The following RBFOX1 variants were observed in gnomAD, a reference collection of about 807,000 sequenced individuals.
The protein encoded by RBFOX1 is RNA binding protein fox-1 homolog 1.
Under a neutral mutation model 57.7 loss-of-function variants are expected in RBFOX1, and 8 were observed. The ratio of observed to expected loss-of-function variants is 0.14; its 90% confidence interval spans 0.08 to 0.25. The LOEUF is 0.25. Ranked by LOEUF, RBFOX1 falls within the 10% of genes least tolerant of loss-of-function variation. The pLI, the probability that RBFOX1 is intolerant of heterozygous loss-of-function variation, is 1.00. For synonymous variants in RBFOX1, 326 were observed against 222.4 expected (o/e 1.47, Z -4.15); for missense variants, 611 against 548.5 (o/e 1.11, Z -1.14).
intron 4 of RBFOX1, among the ~76,000 whole-genome samples, chr16:7,066,484 C>A (rs1303507850): frequency 1.3e-5 from 2 of 152,176 alleles, no homozygotes; most frequent in African/African-American, 4.8e-5. Context: ...GTGGAAAATG[C>A]CTCCCCTGGT....
At chr16:7,462,010 C>G (rs1040941247) in intron 4 of RBFOX1, among the ~76,000 whole-genome samples, 2 of 152,202 alleles carry the variant, frequency 1.3e-5, no homozygotes, top group Non-Finnish European at 2.9e-5. Flanking sequence ...TGCTTATTTT[C>G]TCTCCTTACG....
At chr16:5,750,501 G>C (rs1216551152) in intron 3 of RBFOX1, among the ~76,000 whole-genome samples, 1 of 152,242 alleles carries the variant, frequency 6.6e-6, no homozygotes, top group Non-Finnish European at 1.5e-5. Flanking sequence ...TCCTTGAGCT[G>C]TGGTGGGCTC....
At position 6,426,043 on chromosome 16, in the gene RBFOX1, A is replaced by G. The variant is rs555883243; in HGVS notation, c.-64+108986A>G. Among the ~76,000 whole-genome samples the G allele has an allele frequency of 9.3e-5, 14 of 150,968 alleles. No homozygotes were observed. The South Asian group carries it at 2.5e-3, about 27-fold the overall frequency. ...GAATCTTGTTGGCATTTTACTTTCT[A>G]TTGTAGCTAGCTGTTTCTCTGTCTC... On this transcript the variant is annotated intron_variant, in intron 2 of 15. Transcript: ENST00000550418.
At chr16:5,668,008 T>G (rs1318854790) in intron 3 of RBFOX1, among the ~76,000 whole-genome samples, 1 of 152,088 alleles carries the variant, frequency 6.6e-6, no homozygotes, top group Non-Finnish European at 1.5e-5. Flanking sequence ...TACACCATTT[T>G]GTCCACCAGG....
intron 2 of RBFOX1, among the ~76,000 whole-genome samples, chr16:5,587,406 C>T (rs1343667235): frequency 1.3e-5 from 2 of 152,228 alleles, no homozygotes; most frequent in Non-Finnish European, 2.9e-5. Flanking sequence ...ATTAGAATGG[C>T]TAGAATCTAA....
intron 3 of RBFOX1, among the ~76,000 whole-genome samples, chr16:6,857,091 G>A (rs1227594199): frequency 6.6e-6 from 1 of 152,232 alleles, no homozygotes; most frequent in Non-Finnish European, 1.5e-5. Context: ...TTGTTGTGAA[G>A]TGATTGCTTC....
chr16:5,920,324 G>C (rs963251178), intron 4 of RBFOX1, among the ~76,000 whole-genome samples: 8 of 152,126 alleles, frequency 5.3e-5, no homozygotes, highest in African/African-American at 1.4e-4. Context: ...ATTGTATGTA[G>C]AGAGATCCTA....
intron 5 of RBFOX1, among the ~76,000 whole-genome samples, chr16:7,579,383 C>G (rs890755244): frequency 6.6e-6 from 1 of 152,222 alleles, no homozygotes; most frequent in Admixed American, 6.5e-5. Flanking sequence ...ATTATTACCC[C>G]CTTCTTGATG....
chr16:7,015,446 G>C (rs1353794981), intron 3 of RBFOX1, among the ~76,000 whole-genome samples: 1 of 152,166 alleles, frequency 6.6e-6, no homozygotes, highest in East Asian at 1.9e-4. Flanking sequence ...TGGAGTATAA[G>C]GCACTGAGCA....
intron 9 of RBFOX1, among the ~76,000 whole-genome samples, chr16:7,600,896 AGG>A (rs1311833225): frequency 1.3e-5 from 2 of 152,238 alleles, no homozygotes; most frequent in African/African-American, 2.4e-5. Flanking sequence ...AATGAGCCGT[AGG>A]CTTCTGGACA....
intron 4 of RBFOX1, among the ~76,000 whole-genome samples, chr16:5,921,866 G>T (rs573303911): frequency 6.6e-6 from 1 of 151,986 alleles, no homozygotes; most frequent in Non-Finnish European, 1.5e-5. Context: ...TTAACAACCA[G>T]ATAGGCCAGG....
chr16:6,793,871 T>A (rs904519662), intron 3 of RBFOX1, among the ~76,000 whole-genome samples: 2 of 152,090 alleles, frequency 1.3e-5, no homozygotes, highest in Non-Finnish European at 1.5e-5. Context: ...TGGAAATGAG[T>A]TTTTTTAAAA....
At chr16:6,936,340 G>A (rs1253078210) in intron 3 of RBFOX1, among the ~76,000 whole-genome samples, 2 of 152,146 alleles carry the variant, frequency 1.3e-5, no homozygotes, top group East Asian at 3.8e-4. Context: ...TTACCAAGTT[G>A]TTGAACCAAC....
chr16:5,455,252 A>G (rs1383452688), intron 1 of RBFOX1, among the ~76,000 whole-genome samples: 1 of 151,954 alleles, frequency 6.6e-6, no homozygotes, highest in African/African-American at 2.4e-5. Context: ...GCCTTTCTGT[A>G]TAACTTGAGC....
chr16:7,125,559 G>A (rs577686790), intron 4 of RBFOX1, among the ~76,000 whole-genome samples: 2 of 152,290 alleles, frequency 1.3e-5, no homozygotes, highest in South Asian at 4.1e-4. Flanking sequence ...GATGTGCCAA[G>A]TCATGGATGG....
chr16:7,076,262 G>T (rs2058281355), intron 4 of RBFOX1, among the ~76,000 whole-genome samples: 1 of 151,714 alleles, frequency 6.6e-6, no homozygotes, highest in South Asian at 2.1e-4. Flanking sequence ...TTGATCTCCT[G>T]ACCTCATGAT....
At chr16:6,142,186 CTGCAAAAAA>C (rs1344359831) in intron 1 of RBFOX1, among the ~76,000 whole-genome samples, 23 of 55,408 alleles carry the variant, frequency 4.2e-4, no homozygotes, top group African/African-American at 1.9e-3. Flanking sequence ...GTTGCTGCTG[CTGCAAAAAA>C]AAAAAAAAAA....
chr16:5,410,565 T>C (rs1211990611), intron 1 of RBFOX1, among the ~76,000 whole-genome samples: 2 of 152,216 alleles, frequency 1.3e-5, no homozygotes, highest in African/African-American at 4.8e-5. Flanking sequence ...TGCACATTCC[T>C]GCAGGAGAAA....
chr16:5,717,711 C>G (rs994150031), intron 3 of RBFOX1, among the ~76,000 whole-genome samples: 2 of 152,208 alleles, frequency 1.3e-5, no homozygotes, highest in African/African-American at 4.8e-5. Context: ...ACAGCACTCT[C>G]TCTAATAATT....
Sources: gnomAD v4.1 joint callset for allele counts (sites outside exome capture counted in the v4.1 genomes callset) on GRCh38, gnomAD v4.1.1 for gene constraint, MANE v1.5 for transcripts, NCBI Gene and HGNC (gene_info 2026-07-23, HGNC 2026-07-21) for gene names.